COPG2: variants seen among roughly 807,000 people sequenced by gnomAD.
The protein encoded by COPG2 is coat protein complex I subunit gamma 2, also known as coatomer subunit gamma-2.
In COPG2, 37 loss-of-function variants were observed where a neutral mutation model predicts 46.3. The observed-to-expected ratio is 0.80, with a 90% CI of 0.61 to 1.05. The LOEUF is 1.05. Among genes scored for constraint, COPG2 ranks in the 50% least tolerant of loss-of-function variants. The probability of loss-of-function intolerance (pLI) is 0.00; values close to 1 mark genes in which losing one functional copy is unlikely to be tolerated. For missense variants in COPG2, 427 were observed against 387.8 expected, an observed-to-expected ratio of 1.10 and a Z score of -0.85; for synonymous variants, 159 against 129.7, an observed-to-expected ratio of 1.23 and a Z score of -1.53.
At chr7:130,586,226 C>A (rs1794265757) in intron 9 of COPG2, among the ~76,000 whole-genome samples, 1 of 151,970 alleles carries the variant, frequency 6.6e-6, no homozygotes, top group Admixed American at 6.6e-5. Flanking sequence ...AATTGAAAAC[C>A]AAACATTGTA....
At chr7:130,521,828 A>C (rs965693275) in intron 20 of COPG2, among the ~76,000 whole-genome samples, 8 of 152,196 alleles carry the variant, frequency 5.3e-5, no homozygotes, top group Non-Finnish European at 1.0e-4. Context: ...TATATGATTA[A>C]AGATGGACCA....
At chr7:130,629,279 C>A (rs1185905227) in intron 5 of COPG2, among the ~76,000 whole-genome samples, 1 of 151,764 alleles carries the variant, frequency 6.6e-6, no homozygotes, top group Non-Finnish European at 1.5e-5. Context: ...ATGTGGTGTT[C>A]TTTGAGCTTT....
At chr7:130,582,041 C>T (rs1191147251) in intron 9 of COPG2, among the ~76,000 whole-genome samples, 1 of 152,144 alleles carries the variant, frequency 6.6e-6, no homozygotes, top group African/African-American at 2.4e-5. Context: ...ATCACCAAGG[C>T]AATCCTAAGC....
intron 5 of COPG2, among the ~76,000 whole-genome samples, chr7:130,650,610 C>T (rs1554458944): frequency 6.6e-6 from 1 of 152,132 alleles, no homozygotes; most frequent in Non-Finnish European, 1.5e-5. Flanking sequence ...CCATTTTCAA[C>T]CCCTTCTCCC....
chr7:130,621,950 A>G (rs1461906669), intron 5 of COPG2, among the ~76,000 whole-genome samples: 1 of 148,148 alleles, frequency 6.8e-6, no homozygotes, highest in Non-Finnish European at 1.5e-5. Context: ...TCTCAAAAAA[A>G]AAAAAAAAAA....
chr7:130,544,653 T>A (rs1319714168), intron 20 of COPG2, among the ~76,000 whole-genome samples: 2 of 152,086 alleles, frequency 1.3e-5, no homozygotes, highest in Non-Finnish European at 2.9e-5. Flanking sequence ...ACATGGGGAA[T>A]AATTGGTAGA....
chr7:130,553,334 G>A (rs1045834397), intron 14 of COPG2, among the ~76,000 whole-genome samples: 105 of 151,872 alleles, frequency 6.9e-4, no homozygotes, highest in African/African-American at 2.1e-3. Context: ...AGTCCCCCCC[G>A]CCTTTTCTTT....
Position 130,611,124 on chromosome 7 carries a change from A to G in COPG2, c.580-14T>C, listed in dbSNP as rs782511716. On this transcript the variant is annotated splice_polypyrimidine_tract_variant and intron_variant, in intron 8 of 23. Transcript: ENST00000425248. ...CAATGCATGGTACTAAAGAACATGA[A>G]AAAGAAGGTAGCACATGGATTAGAA... The G allele has an allele frequency of 1.9e-5, 31 of 1,604,728 alleles. No homozygotes were observed. The highest frequency in any genetic ancestry group is 2.6e-5 in the Non-Finnish European group (31 of 1,174,040).
intron 5 of COPG2, among the ~76,000 whole-genome samples, chr7:130,624,643 C>T (rs1466337445): frequency 6.6e-6 from 1 of 152,290 alleles, no homozygotes; most frequent in East Asian, 1.9e-4. Flanking sequence ...TAGCTTAGCT[C>T]CCACCTGTAA....
chr7:130,519,386 G>A (rs1799707384), intron 20 of COPG2, among the ~76,000 whole-genome samples: 2 of 152,328 alleles, frequency 1.3e-5, no homozygotes, highest in South Asian at 4.1e-4. Context: ...ATGGGTCAGA[G>A]CAGGGATCCC....
At chr7:130,513,290 T>TAAAAAAAA (rs1205677638) in intron 20 of COPG2, among the ~76,000 whole-genome samples, 21 of 20,290 alleles carry the variant, frequency 1.0e-3, no homozygotes, top group East Asian at 4.0e-3. Flanking sequence ...TAATTCTGTC[T>TAAAAAAAA]AAAAAAAAAA....
intron 9 of COPG2, among the ~76,000 whole-genome samples, chr7:130,586,878 T>C (rs1237861919): frequency 2.0e-5 from 3 of 152,044 alleles, no homozygotes; most frequent in East Asian, 1.9e-4. Context: ...ATCAACAAAC[T>C]ATGATTGATT....
intron 5 of COPG2, among the ~76,000 whole-genome samples, chr7:130,647,596 T>C (rs1204988223): frequency 6.6e-6 from 1 of 152,134 alleles, no homozygotes; most frequent in Non-Finnish European, 1.5e-5. Flanking sequence ...GTTGTATCAT[T>C]CTACATTCCT....
chr7:130,547,893 T>C (rs1179145426), intron 19 of COPG2, 48 bp from the exon 20 acceptor site: 1 of 398,474 alleles, frequency 2.5e-6, no homozygotes, highest in African/African-American at 2.1e-5. Flanking sequence ...CAAGTTATCC[T>C]TCCTACTCAT....
chr7:130,663,730 CTTTTTTTTTTT>C (rs71178602), intron 3 of COPG2, among the ~76,000 whole-genome samples: 2 of 67,148 alleles, frequency 3.0e-5, no homozygotes, highest in Non-Finnish European at 5.3e-5. Flanking sequence ...CATTTCTTTT[CTTTTTTTTTTT>C]TTTTTTTTTT....
intron 20 of COPG2, among the ~76,000 whole-genome samples, chr7:130,517,514 A>G (rs1224772824): frequency 3.9e-5 from 6 of 152,220 alleles, no homozygotes; most frequent in African/African-American, 1.4e-4. Flanking sequence ...AGAAAGTTTA[A>G]GGGAGTTTTA....
At chr7:130,656,567 G>A (rs569997558) in intron 4 of COPG2, among the ~76,000 whole-genome samples, 8 of 152,152 alleles carry the variant, frequency 5.3e-5, no homozygotes, top group Admixed American at 4.6e-4. Flanking sequence ...AATTAACCCC[G>A]AAAAGCCTTC....
chr7:130,608,867 TTTG>T lies in COPG2; in HGVS notation c.737+2083_737+2085del, dbSNP rs1394979633. On this transcript the variant is annotated intron_variant, in intron 9 of 23. Coordinates refer to ENST00000425248, the MANE Select transcript of COPG2 (RefSeq NM_012133.6). ...CTGGCCATCTTGGATTCATTTTGGG[TTTG>T]TTGTTGTTATTTTTTGAGATGGGGA... is the stretch of plus-strand genomic sequence containing the variant. Among the ~76,000 whole-genome samples the T allele has an allele frequency of 1.5e-4, 23 of 151,974 alleles. 1 individual carries two copies. In the East Asian group the frequency reaches 2.7e-3, roughly 18 times the overall value.
At chr7:130,657,743 C>T (rs1554460080) in intron 4 of COPG2, among the ~76,000 whole-genome samples, 5 of 151,920 alleles carry the variant, frequency 3.3e-5, no homozygotes, top group South Asian at 2.1e-4. Context: ...AAATCCTTCA[C>T]CAACAGAAGA....
Sources: allele counts gnomAD v4.1 joint callset (sites outside exome capture counted in the v4.1 genomes callset), GRCh38; gene constraint gnomAD v4.1.1; transcripts MANE v1.5; gene names NCBI Gene and HGNC (gene_info 2026-07-23, HGNC 2026-07-21).